Variants in NR3C1 observed in about 807,000 individuals in gnomAD.
NR3C1 encodes the protein nuclear receptor subfamily 3 group C member 1.
A neutral mutation model predicts 74.0 loss-of-function variants in NR3C1; 14 were observed. That is an observed-to-expected ratio of 0.19 (90% confidence interval 0.12 to 0.30). NR3C1 has a LOEUF of 0.30. Among genes scored for constraint, NR3C1 ranks in the 10% least tolerant of loss-of-function variants. The pLI is 1.00. For synonymous variants in NR3C1, 308 were observed against 332.5 expected (o/e 0.93, Z 0.80); for missense variants, 695 against 909.8 (o/e 0.76, Z 3.04).
chr5:143,283,497 G>C (rs1813591379), intron 7 of NR3C1, among the ~76,000 whole-genome samples: 1 of 152,194 alleles, frequency 6.6e-6, no homozygotes. Context: ...TACTGAGATA[G>C]ATAGAAGGCT....
At chr5:143,316,229 CA>C (rs1210348774) in intron 2 of NR3C1, among the ~76,000 whole-genome samples, 1 of 152,152 alleles carries the variant, frequency 6.6e-6, no homozygotes, top group Admixed American at 6.5e-5. Context: ...AATGGTGCGA[CA>C]ATGTGTTGGG....
At chr5:143,295,108 CCAAATAA>C in intron 7 of NR3C1, 1 of 985,266 alleles carries the variant, frequency 1.0e-6, no homozygotes, top group Non-Finnish European at 1.2e-6. Flanking sequence ...AAATTTTTAA[CCAAATAA>C]CAGTGTAGTG....
intron 7 of NR3C1, among the ~76,000 whole-genome samples, chr5:143,285,232 C>T (rs900408040): frequency 1.3e-5 from 2 of 152,000 alleles, no homozygotes; most frequent in African/African-American, 2.4e-5. Context: ...TTAAATATGC[C>T]GGGCATTCAG....
At chr5:143,313,887 C>G in intron 3 of NR3C1, 115 bp downstream of exon 3, 1 of 1,107,690 alleles carries the variant, frequency 9.0e-7, no homozygotes, top group South Asian at 1.3e-5. Context: ...CTCCTCTCCC[C>G]TCTTAACTGA....
chr5:143,286,359 A>C (rs553166678), intron 7 of NR3C1, among the ~76,000 whole-genome samples: 3 of 152,174 alleles, frequency 2.0e-5, no homozygotes, highest in Non-Finnish European at 4.4e-5. Context: ...AAATACCAAA[A>C]TTTTAGTACA....
intron 1 of NR3C1, among the ~76,000 whole-genome samples, chr5:143,416,787 A>G (rs1346876453): frequency 6.6e-6 from 1 of 152,230 alleles, no homozygotes; most frequent in Non-Finnish European, 1.5e-5. Context: ...ATGTCTAAAA[A>G]TAAACTTTAC....
At chr5:143,435,110 C>T in exon 1 of NR3C1, 1 of 985,410 alleles carries the variant, frequency 1.0e-6, no homozygotes, top group Non-Finnish European at 1.2e-6. Context: ...TTATCATGCT[C>T]AACAAGGATT....
chr5:143,329,717 A>C (rs1014635158), intron 2 of NR3C1, among the ~76,000 whole-genome samples: 1 of 152,226 alleles, frequency 6.6e-6, no homozygotes, highest in African/African-American at 2.4e-5. Flanking sequence ...AGTAACAGGT[A>C]TCATAGGTAA....
chr5:143,403,695 GCGCACACACT>G (rs63749049), upstream of NR3C1: 897 of 985,530 alleles, frequency 9.1e-4, 3 homozygotes, highest in African/African-American at 0.015. Context: ...GCGCCACGGC[GCGCACACACT>G]CGCACACACG....
chr5:143,357,811 G>C (rs537891995), intron 2 of NR3C1, among the ~76,000 whole-genome samples: 1 of 152,278 alleles, frequency 6.6e-6, no homozygotes, highest in South Asian at 2.1e-4. Flanking sequence ...TTTTAAGGTG[G>C]TATAGTTACT....
intron 2 of NR3C1, among the ~76,000 whole-genome samples, chr5:143,365,238 T>C (rs553155490): frequency 2.6e-5 from 4 of 152,326 alleles, no homozygotes; most frequent in Non-Finnish European, 4.4e-5. Flanking sequence ...TAAATGTCAA[T>C]GGTTTAAACT....
intron 2 of NR3C1, among the ~76,000 whole-genome samples, chr5:143,343,282 A>G (rs889960139): frequency 6.6e-6 from 1 of 152,192 alleles, no homozygotes; most frequent in Non-Finnish European, 1.5e-5. Flanking sequence ...CAGCTCTTTC[A>G]GCTTCCCTGG....
chr5:143,371,568 A>G (rs1834231499), intron 2 of NR3C1, among the ~76,000 whole-genome samples: 1 of 152,254 alleles, frequency 6.6e-6, no homozygotes, highest in Admixed American at 6.5e-5. Context: ...GAGGCAAAAA[A>G]GTATAAAGCA....
At chr5:143,374,573 C>CT (rs746581097) in intron 2 of NR3C1, among the ~76,000 whole-genome samples, 13 of 151,618 alleles carry the variant, frequency 8.6e-5, no homozygotes, top group Admixed American at 2.6e-4. Flanking sequence ...TTTAGTAACT[C>CT]TGATTCTTGG....
At chr5:143,283,335 G>C (rs1813545024) in intron 7 of NR3C1, among the ~76,000 whole-genome samples, 1 of 152,218 alleles carries the variant, frequency 6.6e-6, no homozygotes, top group Non-Finnish European at 1.5e-5. Context: ...TTAACCTTGA[G>C]TAAATCACTT....
At chr5:143,406,432 A>G (rs565033811), upstream of NR3C1, among the ~76,000 whole-genome samples, 3 of 151,578 alleles carry the variant, frequency 2.0e-5, no homozygotes, top group Non-Finnish European at 4.4e-5. Context: ...AACTTATCCT[A>G]ATTTCTCTCT....
At position 143,300,686 on chromosome 5, in the gene NR3C1, C is replaced by T. The variant is rs746187014; in HGVS notation, c.1546G>A (p.Gly516Ser). The stretch of plus-strand genomic sequence containing the variant: ...GTTGCAGGAACTATTGTTTTGTTAC[C>T]AGGATTTTCAGAGGTTTCTTGTGAG... ...GVSQETSENP[G>S]NKTIVPATLP... is the part of the protein sequence containing the mutation. Residue 516 changes from glycine to serine, a missense_variant, in exon 5 of 9, where the codon GGT (glycine) becomes AGT (serine). Physicochemically the swap from Gly to Ser is moderately conservative, Grantham distance 56 (BLOSUM62 0). Coordinates refer to ENST00000394464, the MANE Select transcript of NR3C1 (RefSeq NM_000176.3). This position sits in a 1 kb window ranked among gnomAD's most constrained non-coding sequence, Gnocchi z 5.2. 1.9e-6 allele frequency: 3 copies of T among 1,614,086 alleles called. No homozygotes were observed. The highest frequency in any genetic ancestry group is 1.7e-6 in the Non-Finnish European group (2 of 1,180,012).
chr5:143,369,270 T>C (rs1833829669), intron 2 of NR3C1, among the ~76,000 whole-genome samples: 1 of 152,210 alleles, frequency 6.6e-6, no homozygotes, highest in African/African-American at 2.4e-5. Context: ...ACAGCCACTG[T>C]AGAAAAATGT....
At chr5:143,359,809 T>C (rs1285414316) in intron 2 of NR3C1, among the ~76,000 whole-genome samples, 1 of 152,080 alleles carries the variant, frequency 6.6e-6, no homozygotes, top group African/African-American at 2.4e-5. Context: ...TCCCAGCTAC[T>C]CGGCAGGCTG....
Sources: allele counts gnomAD v4.1 joint callset (sites outside exome capture counted in the v4.1 genomes callset), GRCh38; gene constraint gnomAD v4.1.1; non-coding constraint Gnocchi (gnomAD v3.1); transcripts MANE v1.5; gene names NCBI Gene and HGNC (gene_info 2026-07-23, HGNC 2026-07-21).